PRMT2: variants seen among roughly 807,000 people sequenced by gnomAD.
PRMT2 encodes protein arginine N-methyltransferase 2.
Under a neutral mutation model 57.6 loss-of-function variants are expected in PRMT2, and 26 were observed. The ratio of observed to expected loss-of-function variants is 0.45; its 90% CI spans 0.33 to 0.63. PRMT2 has a LOEUF of 0.63. Among genes scored for constraint, PRMT2 ranks in the 20% least tolerant of loss-of-function variants. PRMT2 has a pLI of 0.02. For missense variants in PRMT2, 472 were observed against 564.4 expected, an observed-to-expected ratio of 0.84 and a Z score of 1.66; for synonymous variants, 219 against 220.0, an observed-to-expected ratio of 1.00 and a Z score of 0.04.
At chr21:46,653,419 G>T (rs1027933181) in intron 7 of PRMT2, 1 of 992,748 alleles carries the variant, frequency 1.0e-6, no homozygotes, top group Non-Finnish European at 1.2e-6. Flanking sequence ...TGATGGGACA[G>T]CTCCCCCTCA....
chr21:46,662,471 C>T (rs2061644840), intron 10 of PRMT2, among the ~76,000 whole-genome samples: 1 of 152,222 alleles, frequency 6.6e-6, no homozygotes, highest in African/African-American at 2.4e-5. Flanking sequence ...ACCCCGGCTC[C>T]AGGGAGGTCG....
At chr21:46,657,257 T>C (rs1174058376) in intron 7 of PRMT2, 1 of 152,106 alleles carries the variant, frequency 6.6e-6, no homozygotes, top group Non-Finnish European at 1.5e-5. Flanking sequence ...TATAGACTTG[T>C]ATGTGCACTC....
At chr21:46,653,424 C>T in intron 7 of PRMT2, 1 of 991,654 alleles carries the variant, frequency 1.0e-6, no homozygotes, top group Non-Finnish European at 1.2e-6. Flanking sequence ...GGACAGCTCC[C>T]CCTCAGCAAG....
In PRMT2 at chr21:46,648,550, C is replaced by A; in HGVS notation, c.420C>A (p.Val140=). The part of the protein sequence containing the change: ...LQNKESLTDK[V]ILDVGCGTGI... ...ATAAAGAATCCCTGACGGATAAAGT[C>A]ATCCTGGACGTGGGCTGTGGGACTG... The change falls in exon 6 of 12, where the codon GTC becomes GTA. Residue 140 remains valine, a synonymous_variant. Transcript: ENST00000355680. This position sits in a 1 kb window ranked among gnomAD's most constrained non-coding sequence, Gnocchi z 4.8. 1 of 1,614,260 alleles carries A rather than the reference C, an allele frequency of 6.2e-7. No homozygotes were observed. The highest frequency in any genetic ancestry group is 8.5e-7 in the Non-Finnish European group (1 of 1,180,042).
intron 3 of PRMT2, among the ~76,000 whole-genome samples, chr21:46,642,512 T>C (rs889950482): frequency 6.6e-5 from 10 of 152,270 alleles, no homozygotes; most frequent in African/African-American, 7.2e-5. Flanking sequence ...CTGTCTGTTA[T>C]TATCTGTGAT....
At chr21:46,663,958 C>T (rs957631896) in intron 11 of PRMT2, among the ~76,000 whole-genome samples, 1 of 152,276 alleles carries the variant, frequency 6.6e-6, no homozygotes, top group Middle Eastern at 3.4e-3. Context: ...GTCTGTGATG[C>T]GTGTTCTGAC....
At chr21:46,647,070 C>T (rs1292693209) in intron 5 of PRMT2, among the ~76,000 whole-genome samples, 2 of 152,172 alleles carry the variant, frequency 1.3e-5, no homozygotes, top group African/African-American at 2.4e-5. Flanking sequence ...GGAGACATTT[C>T]AGACCGTGGC....
Position 46,644,401 on chromosome 21 carries a change from G to A in PRMT2, c.240G>A (p.Pro80=), listed in dbSNP as rs143791181. 7.6e-5 allele frequency: 123 copies of A among 1,611,862 alleles called. No homozygotes were observed. The highest frequency in any genetic ancestry group is 6.0e-4 in the Admixed American group (36 of 59,690). Residue 80 remains proline (P), a synonymous_variant, in exon 5 of 12, where the codon CCG becomes CCA. Transcript: ENST00000355680. The stretch of plus-strand genomic sequence containing the variant: ...GTGCGGGCTGCTGTGGGTACATTCC[G>A]GCAAACCATGTGGGGAAGCACGTGG... ...GERAGCCGYI[P]ANHVGKHVDE...
chr21:46,637,771 ATATG>A (rs2061200222), intron 3 of PRMT2, among the ~76,000 whole-genome samples: 3 of 151,480 alleles, frequency 2.0e-5, no homozygotes, highest in African/African-American at 4.9e-5. Context: ...GTATATACAT[ATATG>A]TGTGTGTGTG....
chr21:46,652,230 C>A, intron 7 of PRMT2: 1 of 1,375,024 alleles, frequency 7.3e-7, no homozygotes, highest in Non-Finnish European at 9.4e-7. Flanking sequence ...AAAAAAATTG[C>A]TACAAGTTTA....
Position 46,663,036 on chromosome 21 carries a change from C to T in PRMT2, c.1098-347C>T, listed in dbSNP as rs372164587. ...TTAGTGCAGCTGTGTGTCCCCTGAG[C>T]TCCCGCATCCTCTGGGCCACCCAGG... On this transcript the variant is annotated intron_variant, in intron 10 of 11. Coordinates refer to ENST00000355680, the MANE Select transcript of PRMT2 (RefSeq NM_206962.4). Among the ~76,000 whole-genome samples the T allele has an allele frequency of 1.1e-4, 16 of 152,286 alleles. No individual in the cohort carries two copies. In the Middle Eastern group the frequency reaches 0.014, roughly 129 times the overall value.
At chr21:46,653,796 A>T in intron 7 of PRMT2, 8 of 1,083,298 alleles carry the variant, frequency 7.4e-6, no homozygotes, top group Non-Finnish European at 9.0e-6. Flanking sequence ...CATCTTTTTC[A>T]GGAAACATTG....
intron 3 of PRMT2, among the ~76,000 whole-genome samples, chr21:46,642,800 A>G (rs910923789): frequency 1.3e-5 from 2 of 152,142 alleles, no homozygotes; most frequent in African/African-American, 2.4e-5. Flanking sequence ...AGGCAGGTGG[A>G]TTGCCTGAGC....
intron 3 of PRMT2, among the ~76,000 whole-genome samples, chr21:46,637,803 ATATG>A (rs1229910873): frequency 3.9e-5 from 6 of 151,960 alleles, no homozygotes; most frequent in Non-Finnish European, 7.4e-5. Context: ...ATATATATGT[ATATG>A]TAAAAAATAC....
chr21:46,659,975 T>G (rs887517202), intron 8 of PRMT2: 49 of 983,554 alleles, frequency 5.0e-5, no homozygotes, highest in Non-Finnish European at 5.6e-5. Context: ...TAAATATGTC[T>G]GGGGGATAAA....
intron 8 of PRMT2, 35 bp downstream of exon 8, chr21:46,658,955 TG>T (rs1272759682): frequency 6.3e-7 from 1 of 1,591,994 alleles, no homozygotes; most frequent in Non-Finnish European, 8.6e-7. Flanking sequence ...CACCGTCTTG[TG>T]GGGCCTCCTG....
At chr21:46,639,484 A>G (rs1335447008) in intron 3 of PRMT2, among the ~76,000 whole-genome samples, 1 of 151,772 alleles carries the variant, frequency 6.6e-6, no homozygotes, top group Non-Finnish European at 1.5e-5. Flanking sequence ...TGGTTCTATC[A>G]CTTTTTGCTT....
chr21:46,649,502 T>C lies in PRMT2; in HGVS notation c.490-73T>C. 1 of 1,604,526 alleles carries C rather than the reference T, an allele frequency of 6.2e-7. No homozygotes were observed. Among genetic ancestry groups the C allele is most frequent in the Non-Finnish European group, 8.5e-7 (1 of 1,172,790 alleles). ...CATTGACCATTTCTCGTGATGCTGG[T>C]TGTGACTCAGGAGAGTAGATGACGG... On this transcript the variant is annotated intron_variant, in intron 6 of 11. Coordinates refer to ENST00000355680, the MANE Select transcript of PRMT2 (RefSeq NM_206962.4). The surrounding 1 kb of genome is among the most constrained non-coding windows in gnomAD (Gnocchi z 4.8).
At chr21:46,654,614 T>C (rs965643096) in intron 7 of PRMT2, among the ~76,000 whole-genome samples, 2 of 152,174 alleles carry the variant, frequency 1.3e-5, no homozygotes, top group African/African-American at 4.8e-5. Context: ...ATTGAAAATA[T>C]CAGAAAATAA....
Sources: allele counts gnomAD v4.1 joint callset (sites outside exome capture counted in the v4.1 genomes callset), GRCh38; gene constraint gnomAD v4.1.1; non-coding constraint Gnocchi (gnomAD v3.1); transcripts MANE v1.5; gene names NCBI Gene and HGNC (gene_info 2026-07-23, HGNC 2026-07-21).